Variants in MBOAT1 observed in about 807,000 individuals in gnomAD.
MBOAT1 encodes the protein membrane bound glycerophospholipid O-acyltransferase 1.
A neutral mutation model predicts 64.4 loss-of-function variants in MBOAT1; 67 were observed. The observed-to-expected ratio is 1.04, with a 90% CI of 0.85 to 1.27. The LOEUF (loss-of-function observed/expected upper bound fraction) is 1.27. Among genes scored for constraint, MBOAT1 ranks in the 50% most tolerant of loss-of-function variants. MBOAT1 has a pLI of 0.00. For synonymous variants in MBOAT1, 229 were observed against 218.9 expected, an observed-to-expected ratio of 1.05 and a Z score of -0.41; for missense variants, 563 against 604.6, an observed-to-expected ratio of 0.93 and a Z score of 0.72.
intron 12 of MBOAT1, among the ~76,000 whole-genome samples, chr6:20,107,565 C>T (rs777419632): frequency 6.6e-6 from 1 of 152,148 alleles, no homozygotes; most frequent in Non-Finnish European, 1.5e-5. Context: ...ATACATGTGT[C>T]AATTACTCCC....
At chr6:20,203,703 G>A (rs1161978910) in intron 1 of MBOAT1, among the ~76,000 whole-genome samples, 3 of 151,816 alleles carry the variant, frequency 2.0e-5, no homozygotes, top group Non-Finnish European at 4.4e-5. Flanking sequence ...ATTTTGGACC[G>A]AGCTCCTGCA....
At chr6:20,128,563 C>T (rs890112352) in intron 6 of MBOAT1, 136 bp downstream of exon 6, 10 of 607,914 alleles carry the variant, frequency 1.6e-5, no homozygotes, top group African/African-American at 1.2e-4. Context: ...TGCACATGTC[C>T]ATCAATAGCA....
intron 1 of MBOAT1, among the ~76,000 whole-genome samples, chr6:20,159,247 A>G (rs1401439731): frequency 6.6e-6 from 1 of 152,062 alleles, no homozygotes; most frequent in Non-Finnish European, 1.5e-5. Flanking sequence ...GAGAAGCTTC[A>G]TCTGTATTTA....
At chr6:20,193,411 C>G (rs531205501) in intron 1 of MBOAT1, among the ~76,000 whole-genome samples, 3 of 152,176 alleles carry the variant, frequency 2.0e-5, no homozygotes, top group African/African-American at 7.2e-5. Context: ...ACCTGAGAGG[C>G]AGAATAGTAT....
At chr6:20,163,700 C>T (rs927651346) in intron 1 of MBOAT1, among the ~76,000 whole-genome samples, 13 of 152,184 alleles carry the variant, frequency 8.5e-5, no homozygotes, top group African/African-American at 3.1e-4. Flanking sequence ...CTGGGTCACA[C>T]AGCCTCTGAA....
At chr6:20,169,457 C>T (rs1211432557) in intron 1 of MBOAT1, among the ~76,000 whole-genome samples, 4 of 151,970 alleles carry the variant, frequency 2.6e-5, no homozygotes, top group African/African-American at 4.8e-5. Context: ...GTGGGACTGA[C>T]GAAATAGGAA....
intron 4 of MBOAT1, among the ~76,000 whole-genome samples, chr6:20,141,819 G>A (rs892084908): frequency 2.0e-5 from 3 of 152,030 alleles, no homozygotes; most frequent in Non-Finnish European, 2.9e-5. Context: ...GAAGGGCAGC[G>A]GGCGGATTCT....
intron 1 of MBOAT1, among the ~76,000 whole-genome samples, chr6:20,206,987 A>C (rs1373672053): frequency 6.6e-6 from 1 of 152,202 alleles, no homozygotes; most frequent in African/African-American, 2.4e-5. Flanking sequence ...ACTACTTGTC[A>C]GCATCTTTCA....
At position 20,100,758 on chromosome 6, in the gene MBOAT1, G is replaced by A. The variant is rs535836331; in HGVS notation, c.*1528C>T. ...TTCAATAAGAAATTAATTTTTTATC[G>A]TTGGATTTGAATAAATTTTCTTCTC... On this transcript the variant is annotated 3_prime_UTR_variant, in exon 13 of 13. Transcript: ENST00000324607. Among the ~76,000 whole-genome samples the A allele has an allele frequency of 1.7e-4, 26 of 152,158 alleles. No homozygotes were observed. The highest frequency in any genetic ancestry group is 4.8e-4 in the African/African-American group (20 of 41,492).
chr6:20,209,191 C>T (rs1307386631), intron 1 of MBOAT1, among the ~76,000 whole-genome samples: 3 of 152,190 alleles, frequency 2.0e-5, no homozygotes, highest in African/African-American at 7.2e-5. Flanking sequence ...TTTCAACAAC[C>T]TTATCTTTGA....
At chr6:20,173,567 A>G (rs1266789625) in intron 1 of MBOAT1, among the ~76,000 whole-genome samples, 2 of 152,234 alleles carry the variant, frequency 1.3e-5, no homozygotes, top group Non-Finnish European at 2.9e-5. Context: ...TAAGAGATTT[A>G]TGAAGAAACA....
At chr6:20,110,201 G>A (rs947739528) in intron 11 of MBOAT1, among the ~76,000 whole-genome samples, 7 of 143,872 alleles carry the variant, frequency 4.9e-5, no homozygotes, top group African/African-American at 1.3e-4. Context: ...GAGCCACCGC[G>A]CCCGGCCCAG....
At chr6:20,206,718 C>T (rs1035931458) in intron 1 of MBOAT1, among the ~76,000 whole-genome samples, 10 of 152,154 alleles carry the variant, frequency 6.6e-5, no homozygotes, top group African/African-American at 1.9e-4. Context: ...CGCAACTCCC[C>T]AAATTCACCT....
intron 1 of MBOAT1, among the ~76,000 whole-genome samples, chr6:20,155,439 A>T (rs115428305): frequency 3.5e-4 from 54 of 152,326 alleles, no homozygotes; most frequent in Non-Finnish European, 6.5e-4. Flanking sequence ...ACAGTAAGAC[A>T]CTGTCTCTAC....
At chr6:20,208,434 A>G in intron 1 of MBOAT1, among the ~76,000 whole-genome samples, 1 of 143,604 alleles carries the variant, frequency 7.0e-6, no homozygotes, top group Non-Finnish European at 1.5e-5. Context: ...TGACAGAGCT[A>G]GACTCTGTCT....
At chr6:20,152,493 G>A in intron 2 of MBOAT1, 131 bp downstream of exon 2, 1 of 900,260 alleles carries the variant, frequency 1.1e-6, no homozygotes, top group Non-Finnish European at 1.6e-6. Context: ...CTACTATAAG[G>A]TATTTACAAT....
chr6:20,147,425 A>G (rs1443397732), intron 3 of MBOAT1, among the ~76,000 whole-genome samples: 1 of 152,220 alleles, frequency 6.6e-6, no homozygotes, highest in African/African-American at 2.4e-5. Flanking sequence ...GGATCACCTG[A>G]GGTCAGGGGT....
intron 1 of MBOAT1, 115 bp downstream of exon 1, chr6:20,212,021 T>G (rs1044896903): frequency 2.5e-6 from 2 of 796,286 alleles, no homozygotes; most frequent in Non-Finnish European, 4.1e-6. Flanking sequence ...AACTGTCTAG[T>G]GTGTGGCTGT....
intron 4 of MBOAT1, among the ~76,000 whole-genome samples, chr6:20,140,391 G>A (rs769047334): frequency 6.6e-6 from 1 of 152,206 alleles, no homozygotes; most frequent in Non-Finnish European, 1.5e-5. Flanking sequence ...GGGATGCTCA[G>A]ATAGCTGGTA....
Sources: allele counts gnomAD v4.1 joint callset (sites outside exome capture counted in the v4.1 genomes callset), GRCh38; gene constraint gnomAD v4.1.1; transcripts MANE v1.5; gene names NCBI Gene and HGNC (gene_info 2026-07-23, HGNC 2026-07-21).